MPPED1: variants seen among roughly 807,000 people sequenced by gnomAD.
MPPED1 encodes the protein metallophosphoesterase domain-containing protein 1.
In MPPED1, 16 loss-of-function variants were observed where a neutral mutation model predicts 36.2. That is an observed-to-expected ratio of 0.44 (90% CI 0.30 to 0.67). The LOEUF (loss-of-function observed/expected upper bound fraction) is 0.67, where lower values mean the gene tolerates loss of function less well. MPPED1 is among the 30% of genes least tolerant of loss of function. MPPED1 has a pLI of 0.10. For missense variants in MPPED1, 307 were observed against 453.4 expected, an observed-to-expected ratio of 0.68 and a Z score of 2.93; for synonymous variants, 199 against 191.3, an observed-to-expected ratio of 1.04 and a Z score of -0.33.
chr22:43,444,528 A>G (rs1036461412), intron 3 of MPPED1, among the ~76,000 whole-genome samples: 1 of 151,594 alleles, frequency 6.6e-6, no homozygotes, highest in Non-Finnish European at 1.5e-5. Context: ...CACCATGCCT[A>G]ATTTTTGTAT....
chr22:43,418,157 C>T (rs1341866569), intron 1 of MPPED1: 2 of 456,150 alleles, frequency 4.4e-6, no homozygotes, highest in Admixed American at 2.3e-5. Flanking sequence ...CTGGCACTGG[C>T]TTTGATCAGA....
In MPPED1 at chr22:43,432,545, A is replaced by AGAAAGGGAGGAGAGAGAG. The variant is rs1929752705; in HGVS notation, c.225-2489_225-2488insGAAAGGGAGGAGAGAGAG. On this transcript the variant is annotated intron_variant, in intron 2 of 6. Transcript: ENST00000443721. ...AGGAGAGAGATAAAGGGAGGAGAGAAAGAAAGGGAGGAGAGAGAGAGAAAG... is the reference window on the plus strand; with the variant it reads ...AGGAGAGAGATAAAGGGAGGAGAGAAGAAAGGGAGGAGAGAGAGAGAAAGGGAGGAGAGAGAGAGAAAG... Among the ~76,000 whole-genome samples, 11 of 57,412 alleles carry AGAAAGGGAGGAGAGAGAG rather than the reference A, an allele frequency of 1.9e-4. 1 individual carries two copies. Among genetic ancestry groups the AGAAAGGGAGGAGAGAGAG allele is most frequent in the South Asian group, 1.1e-3 (1 of 940 alleles). The allele number at this position is 57,412 out of a possible 152,430, so 37.7% of individuals were successfully genotyped here.
At chr22:43,432,324 G>A (rs982557287) in intron 2 of MPPED1, among the ~76,000 whole-genome samples, 1 of 142,408 alleles carries the variant, frequency 7.0e-6, no homozygotes, top group South Asian at 2.3e-4. Flanking sequence ...AGAAAGGGAG[G>A]AGAGAAAGAG....
intron 1 of MPPED1, among the ~76,000 whole-genome samples, chr22:43,414,901 C>T (rs902655556): frequency 1.3e-5 from 2 of 152,158 alleles, no homozygotes; most frequent in East Asian, 1.9e-4. Flanking sequence ...AATAGCTTCT[C>T]AGGCTCCCTC....
intron 3 of MPPED1, among the ~76,000 whole-genome samples, chr22:43,440,335 C>G (rs926294749): frequency 6.6e-6 from 1 of 152,178 alleles, no homozygotes; most frequent in Non-Finnish European, 1.5e-5. Context: ...GTCTCAAGGA[C>G]GAGGCTAGAA....
At chr22:43,440,343 G>A (rs1930107647) in intron 3 of MPPED1, among the ~76,000 whole-genome samples, 1 of 152,236 alleles carries the variant, frequency 6.6e-6, no homozygotes, top group Non-Finnish European at 1.5e-5. Flanking sequence ...GACGAGGCTA[G>A]AAGCTGGGGC....
At chr22:43,500,337 G>GTGGTGGTGGTGA (rs1932677032) in intron 5 of MPPED1, among the ~76,000 whole-genome samples, 1 of 146,404 alleles carries the variant, frequency 6.8e-6, no homozygotes, top group African/African-American at 2.5e-5. Context: ...GGTGGTGGAG[G>GTGGTGGTGGTGA]TGGTGGTGGT....
chr22:43,490,960 T>C (rs1017524277), intron 4 of MPPED1, among the ~76,000 whole-genome samples: 7 of 151,588 alleles, frequency 4.6e-5, no homozygotes, highest in African/African-American at 1.7e-4. Flanking sequence ...TGTCGGCTCT[T>C]CTCCACTAGG....
intron 4 of MPPED1, among the ~76,000 whole-genome samples, chr22:43,497,158 G>A (rs1437409811): frequency 6.6e-6 from 1 of 151,844 alleles, no homozygotes; most frequent in Non-Finnish European, 1.5e-5. Flanking sequence ...TAGTAATGGA[G>A]GTGGTGGTGG....
intron 5 of MPPED1, among the ~76,000 whole-genome samples, chr22:43,500,148 G>A (rs1393802605): frequency 1.9e-5 from 2 of 105,964 alleles, no homozygotes; most frequent in African/African-American, 9.2e-5. Flanking sequence ...GGAGGTGGTG[G>A]GGGTGGTGGT....
chr22:43,489,436 G>A (rs953598840), intron 4 of MPPED1, among the ~76,000 whole-genome samples: 28 of 152,058 alleles, frequency 1.8e-4, no homozygotes, highest in African/African-American at 6.8e-4. Context: ...CCCAGCCTGG[G>A]GATGGTGCTC....
At position 43,418,333 on chromosome 22, in the gene MPPED1, A is replaced by G. The variant is rs73889260; in HGVS notation, c.-79+6175A>G. ...GCTTCAAGTCACACGGTGAAGCAAA[A>G]TCTATCTTTGGTCTGCAGGGCAGCA... On this transcript the variant is annotated intron_variant, in intron 1 of 6. Transcript: ENST00000443721. The G allele has an allele frequency of 2.0e-3, 704 of 354,232 alleles. 3 individuals are homozygous for G. Among genetic ancestry groups the G allele is most frequent in the African/African-American group, 0.014 (656 of 46,786 alleles). 21.9% of individuals were successfully genotyped at this position (354,232 alleles called of 1,614,324 possible). A position where few individuals can be genotyped will look rare whatever the true frequency, so the allele number is the denominator to read the frequency against.
intron 3 of MPPED1, among the ~76,000 whole-genome samples, chr22:43,446,376 G>A (rs1930346314): frequency 6.6e-6 from 1 of 152,156 alleles, no homozygotes; most frequent in Non-Finnish European, 1.5e-5. Flanking sequence ...GACAGGCTGT[G>A]GATAAACAGC....
intron 3 of MPPED1, among the ~76,000 whole-genome samples, chr22:43,440,549 C>T (rs1365672849): frequency 9.9e-5 from 15 of 152,220 alleles, no homozygotes; most frequent in Admixed American, 9.8e-4. Flanking sequence ...CCAAATTCTG[C>T]TGCCATCTCT....
intron 3 of MPPED1, among the ~76,000 whole-genome samples, chr22:43,464,748 G>C (rs1036222569): frequency 6.6e-6 from 1 of 152,160 alleles, no homozygotes; most frequent in Non-Finnish European, 1.5e-5. Flanking sequence ...GCTTCTTGTA[G>C]CTCCACATTT....
intron 4 of MPPED1, among the ~76,000 whole-genome samples, chr22:43,482,809 C>T (rs968768977): frequency 1.1e-4 from 16 of 152,214 alleles, no homozygotes; most frequent in Non-Finnish European, 2.4e-4. Context: ...TGGGGTGGGT[C>T]GTGGCACTGG....
intron 4 of MPPED1, among the ~76,000 whole-genome samples, chr22:43,488,968 G>A (rs898782303): frequency 6.6e-6 from 1 of 152,210 alleles, no homozygotes. Flanking sequence ...GGGCACCTCA[G>A]CGTCGTATCT....
intron 3 of MPPED1, among the ~76,000 whole-genome samples, chr22:43,468,822 TCAGC>T (rs1931263419): frequency 6.6e-6 from 1 of 152,074 alleles, no homozygotes; most frequent in Non-Finnish European, 1.5e-5. Context: ...AGGTGGGCAT[TCAGC>T]CTAAGGGGCA....
At chr22:43,499,735 GGGTGGTGGTGGTGATGGTGATGGA>G (rs1325609665) in intron 5 of MPPED1, among the ~76,000 whole-genome samples, 42 of 15,414 alleles carry the variant, frequency 2.7e-3, no homozygotes, top group Non-Finnish European at 5.6e-3. Flanking sequence ...GTGGTGATGG[GGGTGGTGGTGGTGATGGTGATGGA>G]GGTGGCGGTG....
Sources: allele counts gnomAD v4.1 joint callset (sites outside exome capture counted in the v4.1 genomes callset), GRCh38; gene constraint gnomAD v4.1.1; transcripts MANE v1.5; gene names NCBI Gene and HGNC (gene_info 2026-07-23, HGNC 2026-07-21).